ARB2A: variants seen among roughly 807,000 people sequenced by gnomAD.
The protein encoded by ARB2A is cotranscriptional regulator ARB2A.
chr5:93,721,407 G>A, the ARB2A span, among the ~76,000 whole-genome samples: 1 of 152,092 alleles, frequency 6.6e-6, no homozygotes, highest in Non-Finnish European at 1.5e-5. Flanking sequence ...AAAAAAGATT[G>A]GTGTCTGTGT....
At chr5:93,656,464 TA>T in the ARB2A span, among the ~76,000 whole-genome samples, 1 of 152,176 alleles carries the variant, frequency 6.6e-6, no homozygotes, top group Non-Finnish European at 1.5e-5. Context: ...TGTATTTGGT[TA>T]AAAACTGAAT....
At chr5:94,083,918 G>T in the ARB2A span, among the ~76,000 whole-genome samples, 1 of 151,284 alleles carries the variant, frequency 6.6e-6, no homozygotes, top group African/African-American at 2.4e-5. Flanking sequence ...TAAAAAAATT[G>T]TATTTACAAA....
chr5:94,008,197 C>T, the ARB2A span, among the ~76,000 whole-genome samples: 1 of 152,098 alleles, frequency 6.6e-6, no homozygotes, highest in South Asian at 2.1e-4. Context: ...AAGAACCTAA[C>T]TTTAGAAGTC....
chr5:93,636,647 A>G, the ARB2A span, among the ~76,000 whole-genome samples: 5 of 152,206 alleles, frequency 3.3e-5, no homozygotes, highest in African/African-American at 1.2e-4. Context: ...CACCTAGTCT[A>G]TCACAGTCTG....
chr5:93,693,806 A>C, the ARB2A span, among the ~76,000 whole-genome samples: 1 of 152,216 alleles, frequency 6.6e-6, no homozygotes, highest in African/African-American at 2.4e-5. Context: ...AATACTGGCA[A>C]ACCAAACCCA....
At chr5:93,938,155 A>G in the ARB2A span, among the ~76,000 whole-genome samples, 1 of 152,164 alleles carries the variant, frequency 6.6e-6, no homozygotes, top group Non-Finnish European at 1.5e-5. Context: ...TTTTTCTCTC[A>G]CCTAAGAAAA....
chr5:93,617,798 G>T, the ARB2A span, among the ~76,000 whole-genome samples: 1 of 152,096 alleles, frequency 6.6e-6, no homozygotes, highest in Non-Finnish European at 1.5e-5. Context: ...TTGATAGGTT[G>T]TTCAGATTTC....
chr5:94,098,782 G>A, the ARB2A span, among the ~76,000 whole-genome samples: 1 of 152,134 alleles, frequency 6.6e-6, no homozygotes, highest in African/African-American at 2.4e-5. Flanking sequence ...ACAATTAGCA[G>A]TTACTAAGGG....
the ARB2A span, among the ~76,000 whole-genome samples, chr5:93,934,116 T>A: frequency 6.6e-6 from 1 of 152,174 alleles, no homozygotes; most frequent in Non-Finnish European, 1.5e-5. Flanking sequence ...AAAGAATATG[T>A]AGAGTTTTAT....
the ARB2A span, chr5:93,861,061 G>A: frequency 1.3e-5 from 2 of 152,246 alleles, no homozygotes; most frequent in Admixed American, 6.5e-5. Flanking sequence ...GTTTCAAGAT[G>A]TATAAGCAAC....
the ARB2A span, among the ~76,000 whole-genome samples, chr5:93,870,819 A>C: frequency 6.6e-6 from 1 of 152,230 alleles, no homozygotes; most frequent in African/African-American, 2.4e-5. Context: ...TCAATCCATG[A>C]GTATATATCT....
chr5:93,650,101 T>C, the ARB2A span, among the ~76,000 whole-genome samples: 17 of 150,792 alleles, frequency 1.1e-4, no homozygotes, highest in African/African-American at 4.1e-4. Context: ...ACATAAAAAA[T>C]TGAAATCACC....
chr5:93,934,684 C>A, the ARB2A span, among the ~76,000 whole-genome samples: 1 of 152,258 alleles, frequency 6.6e-6, no homozygotes, highest in African/African-American at 2.4e-5. Flanking sequence ...TAATATTGTG[C>A]TTTGGCCTGT....
At chr5:94,089,642 C>CACACAA in the ARB2A span, among the ~76,000 whole-genome samples, 1 of 148,402 alleles carries the variant, frequency 6.7e-6, no homozygotes, top group Non-Finnish European at 1.5e-5. Context: ...CACACACACA[C>CACACAA]TGCAGAGGGA....
chr5:93,836,249 G>A, the ARB2A span, among the ~76,000 whole-genome samples: 1 of 152,038 alleles, frequency 6.6e-6, no homozygotes, highest in Non-Finnish European at 1.5e-5. Context: ...GGATGGTCTC[G>A]ATCTCCTGAC....
chr5:93,948,323 A>G, the ARB2A span, among the ~76,000 whole-genome samples: 24 of 152,000 alleles, frequency 1.6e-4, no homozygotes, highest in African/African-American at 1.2e-4. Context: ...TTTGAGAAGT[A>G]TCTGTTCATG....
chr5:93,775,451 T>C, the ARB2A span, among the ~76,000 whole-genome samples: 2 of 152,194 alleles, frequency 1.3e-5, no homozygotes, highest in African/African-American at 4.8e-5. Flanking sequence ...ACCAGAAAGC[T>C]AACAAATGTC....
chr5:93,851,623 T>G, the ARB2A span, among the ~76,000 whole-genome samples: 1 of 152,152 alleles, frequency 6.6e-6, no homozygotes, highest in Non-Finnish European at 1.5e-5. Context: ...CCCACAACAG[T>G]GCCCAGAGTG....
chr5:93,701,879 C>T, the ARB2A span, among the ~76,000 whole-genome samples: 1 of 152,136 alleles, frequency 6.6e-6, no homozygotes, highest in African/African-American at 2.4e-5. Context: ...GTGGGATATA[C>T]TTATCCAATT....
Sources: gnomAD v4.1 joint callset for allele counts (sites outside exome capture counted in the v4.1 genomes callset) on GRCh38, gnomAD v4.1.1 for gene constraint, MANE v1.5 for transcripts, NCBI Gene and HGNC (gene_info 2026-07-23, HGNC 2026-07-21) for gene names.